Variants in NEBL observed in about 807,000 individuals in gnomAD.
The protein encoded by NEBL is LIM and SH3 protein 2.
NEBL carries 122 observed loss-of-function variants against 140.2 expected under a neutral mutation model. That is an observed-to-expected ratio of 0.87 (90% CI 0.75 to 1.01). The LOEUF is 1.01. NEBL is among the 50% of genes least tolerant of loss of function. NEBL has a pLI of 0.00. For missense variants in NEBL, 1,365 were observed against 1,231.3 expected, an observed-to-expected ratio of 1.11 and a Z score of -1.62; for synonymous variants, 436 against 398.9, an observed-to-expected ratio of 1.09 and a Z score of -1.11.
rs536422933 is a variant in NEBL, at chr10:20,989,033, G to A, written c.250-27254C>T. Among the ~76,000 whole-genome samples, 16 of 152,288 alleles carry A rather than the reference G, an allele frequency of 1.1e-4. No homozygotes were observed. The South Asian group carries it at 2.9e-3, about 28-fold the overall frequency. On this transcript the variant is annotated intron_variant, in intron 3 of 6. Transcript: ENST00000417816. Reference sequence around the variant, plus strand: ...TTATTTTCATAACTAAATATTATCAGTATGAATTTACAGTAAATGTCAAAA... The same window carrying A: ...TTATTTTCATAACTAAATATTATCAATATGAATTTACAGTAAATGTCAAAA...
At chr10:21,052,952 T>C (rs1384637836) in intron 2 of NEBL, among the ~76,000 whole-genome samples, 1 of 152,180 alleles carries the variant, frequency 6.6e-6, no homozygotes, top group Non-Finnish European at 1.5e-5. Flanking sequence ...GACAGCACAG[T>C]AGGGTGACTA....
At chr10:20,817,812 A>G in intron 20 of NEBL, 120 bp from the exon 21 acceptor site, 1 of 818,326 alleles carries the variant, frequency 1.2e-6, no homozygotes, top group Non-Finnish European at 2.1e-6. Context: ...AGTTGATTAC[A>G]TCAACCTTCA....
At position 20,989,736 on chromosome 10, in the gene NEBL, G is replaced by GT. The variant is rs534975541; in HGVS notation, c.250-27958_250-27957insA. Among the ~76,000 whole-genome samples, 42 of 152,204 alleles carry GT rather than the reference G, an allele frequency of 2.8e-4. 1 individual carries two copies. In the South Asian group the frequency reaches 6.8e-3, roughly 25 times the overall value. ...TTGATTTATGACCATTATATCTGAG[G>GT]GATTCTTGTTCCTTGGAGGATCACA... On this transcript the variant is annotated intron_variant, in intron 3 of 6. Transcript: ENST00000417816.
chr10:21,224,020 A>G lies in NEBL; in HGVS notation n.348+23901T>C, dbSNP rs112544976. On this transcript the variant is annotated intron_variant and non_coding_transcript_variant, in intron 3 of 8. Transcript: ENST00000675702. ...CGATAATGTTTCTTTGCTGTGCAGA[A>G]GCTTTTTAACTTGGTGAGATCCCAT... 4.6e-3 allele frequency among the ~76,000 whole-genome samples: 698 copies of G among 152,288 alleles called. 4 individuals carry two copies. The highest frequency in any genetic ancestry group is 0.016 in the African/African-American group (656 of 41,550).
At chr10:20,912,964 G>A (rs1444348545) in intron 4 of NEBL, among the ~76,000 whole-genome samples, 1 of 145,066 alleles carries the variant, frequency 6.9e-6, no homozygotes, top group Non-Finnish European at 1.5e-5. Flanking sequence ...GTCTCACTAT[G>A]TTGCCCAGTC....
chr10:20,861,558 A>G (rs1370254677), intron 7 of NEBL, among the ~76,000 whole-genome samples: 2 of 152,188 alleles, frequency 1.3e-5, no homozygotes, highest in African/African-American at 4.8e-5. Flanking sequence ...CTAAGTTTGT[A>G]GTGCCTAAAG....
intron 4 of NEBL, among the ~76,000 whole-genome samples, chr10:20,911,940 C>A (rs993380606): frequency 3.3e-5 from 5 of 152,288 alleles, no homozygotes; most frequent in African/African-American, 9.6e-5. Flanking sequence ...GCAAAAATTT[C>A]TTGGCAGTTT....
At chr10:20,929,269 A>AT (rs1258707768) in intron 4 of NEBL, among the ~76,000 whole-genome samples, 1 of 151,866 alleles carries the variant, frequency 6.6e-6, no homozygotes, top group African/African-American at 2.4e-5. Context: ...AAATATATAT[A>AT]TATATATATT....
intron 2 of NEBL, among the ~76,000 whole-genome samples, chr10:21,165,601 C>T (rs77319174): frequency 0.013 from 2,040 of 152,342 alleles, 41 homozygotes; most frequent in African/African-American, 0.047. Context: ...GGCTCATCTA[C>T]GGCCATACCA....
intron 3 of NEBL, among the ~76,000 whole-genome samples, chr10:21,197,588 G>T (rs1841671749): frequency 6.6e-6 from 1 of 152,090 alleles, no homozygotes; most frequent in Non-Finnish European, 1.5e-5. Context: ...AATAAGTCAG[G>T]CTTACAGCAC....
intron 2 of NEBL, among the ~76,000 whole-genome samples, chr10:21,063,394 C>T (rs145656336): frequency 5.9e-5 from 9 of 152,256 alleles, no homozygotes; most frequent in African/African-American, 1.4e-4. Context: ...CTAATAGTCA[C>T]GAGATGCCTA....
Position 21,227,653 on chromosome 10 carries a change from TTTCTTCTTCTTC to T in NEBL, n.348+20256_348+20267del, listed in dbSNP as rs549558619. 1.8e-3 allele frequency among the ~76,000 whole-genome samples: 151 copies of T among 83,272 alleles called. 1 individual carries two copies. Among genetic ancestry groups the T allele is most frequent in the African/African-American group, 2.8e-3 (68 of 24,696 alleles). 54.6% of individuals were successfully genotyped at this position (83,272 alleles called of 152,430 possible). ...TAAGGGAATTCAAAAGCACTTGAAG[TTTCTTCTTCTTC>T]TTCTTCTTCTTCTTCTTCTTCTTCT... On this transcript the variant is annotated intron_variant and non_coding_transcript_variant, in intron 3 of 8. Transcript: ENST00000675702.
At chr10:21,112,917 G>A (rs986416623) in intron 2 of NEBL, 20 of 382,886 alleles carry the variant, frequency 5.2e-5, no homozygotes, top group Non-Finnish European at 8.6e-5. Context: ...AGAAGACGAA[G>A]AGGAGGAGGA....
At chr10:21,269,420 T>C (rs1318742480) in intron 1 of NEBL, among the ~76,000 whole-genome samples, 1 of 152,226 alleles carries the variant, frequency 6.6e-6, no homozygotes, top group East Asian at 1.9e-4. Context: ...GCTTTGGGCT[T>C]CTTGGGAAAT....
intron 4 of NEBL, among the ~76,000 whole-genome samples, chr10:20,925,305 G>A (rs1833841243): frequency 6.6e-6 from 1 of 152,066 alleles, no homozygotes; most frequent in African/African-American, 2.4e-5. Context: ...TTTAATGACT[G>A]TGGAACATTC....
intron 2 of NEBL, among the ~76,000 whole-genome samples, chr10:21,147,168 C>G (rs573224679): frequency 6.6e-6 from 1 of 152,264 alleles, no homozygotes; most frequent in South Asian, 2.1e-4. Flanking sequence ...ACTACATCCA[C>G]GCACATCTTC....
chr10:21,052,040 A>C (rs1193116823), intron 2 of NEBL, among the ~76,000 whole-genome samples: 2 of 152,264 alleles, frequency 1.3e-5, no homozygotes, highest in Non-Finnish European at 2.9e-5. Context: ...AGATATTCAC[A>C]TGGTTCAAAA....
chr10:21,281,634 G>A (rs1842995545), intron 1 of NEBL, among the ~76,000 whole-genome samples: 1 of 151,990 alleles, frequency 6.6e-6, no homozygotes, highest in South Asian at 2.1e-4. Context: ...ACACCAGTGT[G>A]GGACATTTGT....
At chr10:21,290,353 C>G (rs537434946) in intron 1 of NEBL, among the ~76,000 whole-genome samples, 1 of 152,336 alleles carries the variant, frequency 6.6e-6, no homozygotes, top group African/African-American at 2.4e-5. Flanking sequence ...ACCTTAGAAG[C>G]TACCTCAGAA....
Sources: gnomAD v4.1 joint callset for allele counts (sites outside exome capture counted in the v4.1 genomes callset) on GRCh38, gnomAD v4.1.1 for gene constraint, MANE v1.5 for transcripts, NCBI Gene and HGNC (gene_info 2026-07-23, HGNC 2026-07-21) for gene names.